IQGAP1: variants seen among roughly 807,000 people sequenced by gnomAD.
IQGAP1 encodes IQ motif containing GTPase activating protein 1.
A neutral mutation model predicts 215.6 loss-of-function variants in IQGAP1; 66 were observed. The ratio of observed to expected loss-of-function variants is 0.31; its 90% CI spans 0.25 to 0.38. IQGAP1 has a LOEUF of 0.38. Ranked by LOEUF, IQGAP1 falls within the 10% of genes least tolerant of loss-of-function variation. The pLI is 1.00. For missense variants in IQGAP1, 1,712 were observed against 1,997.1 expected, an observed-to-expected ratio of 0.86 and a Z score of 2.72; for synonymous variants, 772 against 728.7, an observed-to-expected ratio of 1.06 and a Z score of -0.96.
Position 90,473,554 on chromosome 15 carries a change from G to T in IQGAP1, c.2350-161G>T, listed in dbSNP as rs1965934624. 3 of 601,590 alleles carry T rather than the reference G, an allele frequency of 5.0e-6. No homozygotes were observed. The East Asian group carries it at 8.5e-5, about 17-fold the overall frequency. 37.3% of individuals were successfully genotyped at this position (601,590 alleles called of 1,614,324 possible). ...AGCCATCGTGTTCTTCCAGTGGAGGGATGGCCCGTGCCCTTGTTCCCCTGT... is the reference window on the plus strand; with the variant it reads ...AGCCATCGTGTTCTTCCAGTGGAGGTATGGCCCGTGCCCTTGTTCCCCTGT... On this transcript the variant is annotated intron_variant, in intron 19 of 37. Transcript: ENST00000268182.
intron 2 of IQGAP1, among the ~76,000 whole-genome samples, chr15:90,420,152 A>G (rs1226819026): frequency 2.0e-5 from 3 of 152,340 alleles, no homozygotes; most frequent in African/African-American, 7.2e-5. Context: ...GAGGAAAGGC[A>G]CAAATATTTT....
chr15:90,419,654 A>G (rs1441679026), intron 2 of IQGAP1, among the ~76,000 whole-genome samples: 1 of 152,226 alleles, frequency 6.6e-6, no homozygotes, highest in Non-Finnish European at 1.5e-5. Flanking sequence ...CGAGTCTATC[A>G]TGAAGGTATG....
chr15:90,467,399 C>T, intron 17 of IQGAP1, 51 bp from the exon 18 acceptor site: 2 of 1,565,454 alleles, frequency 1.3e-6, no homozygotes, highest in Non-Finnish European at 1.7e-6. Context: ...GGACGTACAG[C>T]TGGGGAGTGT....
chr15:90,458,002 C>G (rs1297601045), intron 15 of IQGAP1, among the ~76,000 whole-genome samples: 1 of 152,144 alleles, frequency 6.6e-6, no homozygotes, highest in African/African-American at 2.4e-5. Context: ...TTTCATCACC[C>G]CAAGAGAAAC....
In IQGAP1 at chr15:90,487,565, C is replaced by CCAG. The variant is rs1223832275; in HGVS notation, c.4233_4235dup (p.Ala1412dup). 6.2e-7 allele frequency: 1 copy of CCAG among 1,613,214 alleles called. No homozygotes were observed. Among genetic ancestry groups the CCAG allele is most frequent in the African/African-American group, 1.3e-5 (1 of 74,914 alleles). ...GACCTTGACTGAAATCCTAGAAACACCAGCCACCAGTGAACAGGTAAAATT... is the reference window on the plus strand; with the variant it reads ...GACCTTGACTGAAATCCTAGAAACACCAGCAGCCACCAGTGAACAGGTAAAATT... On this transcript the variant is annotated inframe_insertion, in exon 33 of 38. Coordinates refer to ENST00000268182, the MANE Select transcript of IQGAP1 (RefSeq NM_003870.4).
intron 5 of IQGAP1, among the ~76,000 whole-genome samples, chr15:90,435,844 T>C (rs921409538): frequency 6.6e-6 from 1 of 152,210 alleles, no homozygotes; most frequent in Non-Finnish European, 1.5e-5. Flanking sequence ...GTTTCGTGAT[T>C]TATGGTTTCT....
At position 90,482,101 on chromosome 15, in the gene IQGAP1, G is replaced by GTC. The variant is rs1295031303; in HGVS notation, c.3470+2_3470+3insCT. On this transcript the variant is annotated splice_donor_variant, in intron 27 of 37. Coordinates refer to ENST00000268182, the MANE Select transcript of IQGAP1 (RefSeq NM_003870.4). LOFTEE classifies it high-confidence loss of function. ...TTGTCAGCTCTGTGGACAAAATCCC[G>GTC]TGAGTGCCATCAGTTGTCATGACCC... The GTC allele has an allele frequency of 6.2e-7, 1 of 1,614,092 alleles. No individual in the cohort carries two copies. Among genetic ancestry groups the GTC allele is most frequent in the Non-Finnish European group, 8.5e-7 (1 of 1,180,046 alleles).
chr15:90,441,480 G>T, intron 7 of IQGAP1, 26 bp from the exon 8 acceptor site: 1 of 1,583,504 alleles, frequency 6.3e-7, no homozygotes, highest in Non-Finnish European at 8.6e-7. Context: ...GTTTTTGTTG[G>T]TTTGTTTTTT....
At chr15:90,473,628 G>T in intron 19 of IQGAP1, 87 bp from the exon 20 acceptor site, 1 of 917,416 alleles carries the variant, frequency 1.1e-6, no homozygotes, top group Non-Finnish European at 1.7e-6. Flanking sequence ...AATTGCACTT[G>T]GATCATGTAT....
intron 8 of IQGAP1, among the ~76,000 whole-genome samples, chr15:90,442,990 C>T (rs923431241): frequency 4.6e-5 from 7 of 151,924 alleles, no homozygotes; most frequent in East Asian, 3.9e-4. Flanking sequence ...GACAGAATCT[C>T]GCTCAGTCAC....
chr15:90,389,017 G>T (rs1964595832), intron 1 of IQGAP1, among the ~76,000 whole-genome samples: 1 of 152,146 alleles, frequency 6.6e-6, no homozygotes, highest in Non-Finnish European at 1.5e-5. Context: ...TCATTGAACT[G>T]CAGGCAGGAT....
chr15:90,491,532 A>G lies in IQGAP1; in HGVS notation c.4448A>G (p.Asn1483Ser), dbSNP rs1182071931. 2 of 1,614,006 alleles carry G rather than the reference A, an allele frequency of 1.2e-6. No individual in the cohort carries two copies. The highest frequency in any genetic ancestry group is 1.1e-5 in the South Asian group (1 of 91,078). Residue 1483 changes from asparagine (N) to serine (S), a missense_variant, in exon 34 of 38, where the codon AAC (asparagine) becomes AGC (serine). Transcript: ENST00000268182. ...DPKNKYQELI[N>S]DIARDIRNQR... ...AAGAACAAATACCAGGAACTGATCA[A>G]CGACATTGCCAGGGTACTGCATTCG...
intron 15 of IQGAP1, among the ~76,000 whole-genome samples, chr15:90,463,297 G>A (rs1283551700): frequency 6.6e-6 from 1 of 152,210 alleles, no homozygotes; most frequent in African/African-American, 2.4e-5. Context: ...CTCAATGCAA[G>A]GGAGGTTGTG....
At chr15:90,465,286 G>A (rs575962425) in intron 15 of IQGAP1, among the ~76,000 whole-genome samples, 3 of 152,290 alleles carry the variant, frequency 2.0e-5, no homozygotes, top group Admixed American at 6.5e-5. Context: ...CATAGAGAAC[G>A]TTAACTTCCT....
At chr15:90,492,792 AT>A in intron 35 of IQGAP1, 81 bp downstream of exon 35, 3 of 1,159,880 alleles carry the variant, frequency 2.6e-6, no homozygotes, top group Non-Finnish European at 3.6e-6. Flanking sequence ...GACACTGGAA[AT>A]TTTTACTTAA....
chr15:90,434,388 A>C (rs903769766), intron 5 of IQGAP1, among the ~76,000 whole-genome samples: 2 of 152,128 alleles, frequency 1.3e-5, no homozygotes, highest in African/African-American at 4.8e-5. Context: ...CAGTGAGCCA[A>C]GATTGCACCA....
intron 29 of IQGAP1, 38 bp from the exon 30 acceptor site, chr15:90,484,181 TG>T (rs756567787): frequency 1.2e-6 from 2 of 1,603,034 alleles, no homozygotes; most frequent in Admixed American, 3.4e-5. Flanking sequence ...TTCATGTGTA[TG>T]TCCCTTTTTG....
intron 5 of IQGAP1, 56 bp from the exon 6 acceptor site, chr15:90,439,276 G>T: frequency 1.4e-6 from 2 of 1,397,600 alleles, no homozygotes; most frequent in Non-Finnish European, 2.0e-6. Context: ...CGCCTTTTAA[G>T]GGTGGCAGCT....
rs112271782 is a variant in IQGAP1 at position 90,475,431 on chromosome 15, C to G, written c.2784+738C>G. Among the ~76,000 whole-genome samples, 1,308 of 152,142 alleles carry G rather than the reference C, an allele frequency of 8.6e-3. 16 individuals are homozygous for G. The highest frequency in any genetic ancestry group is 0.03 in the African/African-American group (1,249 of 41,502). On this transcript the variant is annotated intron_variant, in intron 23 of 37. Transcript: ENST00000268182. Reference sequence around the variant, plus strand: ...GGATTACAAACATGAGCCACCATGCCCGGCCATCATAAGCTTTTAAAAAAG... The same window carrying G: ...GGATTACAAACATGAGCCACCATGCGCGGCCATCATAAGCTTTTAAAAAAG...
Sources: gnomAD v4.1 joint callset for allele counts (sites outside exome capture counted in the v4.1 genomes callset) on GRCh38, gnomAD v4.1.1 for gene constraint, MANE v1.5 for transcripts, NCBI Gene and HGNC (gene_info 2026-07-23, HGNC 2026-07-21) for gene names.